SOBP: variants seen among roughly 807,000 people sequenced by gnomAD.
SOBP encodes sine oculis-binding protein homolog.
SOBP carries 4 observed loss-of-function variants against 53.6 expected under a neutral mutation model. That is an observed-to-expected ratio of 0.07 (90% CI 0.04 to 0.17). The LOEUF is 0.17. Ranked by LOEUF, SOBP falls within the 10% of genes least tolerant of loss-of-function variation. The probability of loss-of-function intolerance (pLI) is 1.00; values close to 1 mark genes in which losing one functional copy is unlikely to be tolerated. For synonymous variants in SOBP, 584 were observed against 522.6 expected, an observed-to-expected ratio of 1.12 and a Z score of -1.60; for missense variants, 1,088 against 1,204.7, an observed-to-expected ratio of 0.90 and a Z score of 1.43.
At chr6:107,572,304 CTTTTTTT>C (rs5878919) in intron 4 of SOBP, among the ~76,000 whole-genome samples, 1 of 140,566 alleles carries the variant, frequency 7.1e-6, no homozygotes. Flanking sequence ...AATTTGCACA[CTTTTTTT>C]TTTTTTTTTT....
At chr6:107,519,647 T>A (rs1427459815) in intron 3 of SOBP, among the ~76,000 whole-genome samples, 1 of 152,210 alleles carries the variant, frequency 6.6e-6, no homozygotes, top group Non-Finnish European at 1.5e-5. Context: ...TAAAGCATAC[T>A]ATAGCAACAG....
At position 107,613,192 on chromosome 6, in the gene SOBP, T is replaced by C. The variant is rs188427131; in HGVS notation, c.670-20322T>C. On this transcript the variant is annotated intron_variant, in intron 5 of 6. Transcript: ENST00000317357. ...AACTCAGAACGCTAGGTGGAGGCTG[T>C]GTGCCCTACTGCAGCTTTCTGCATC... Among the ~76,000 whole-genome samples, 6 of 152,326 alleles carry C rather than the reference T, an allele frequency of 3.9e-5. No homozygotes were observed. In the South Asian group the frequency reaches 6.2e-4, roughly 16 times the overall value.
At chr6:107,617,552 G>A (rs1358513053) in intron 5 of SOBP, among the ~76,000 whole-genome samples, 2 of 152,234 alleles carry the variant, frequency 1.3e-5, no homozygotes, top group African/African-American at 2.4e-5. Context: ...GCTGCAGGAA[G>A]TCCAGCTGAT....
intron 3 of SOBP, among the ~76,000 whole-genome samples, chr6:107,510,019 G>A (rs887303388): frequency 6.6e-6 from 1 of 152,184 alleles, no homozygotes; most frequent in African/African-American, 2.4e-5. Flanking sequence ...TACCAAGCAG[G>A]AACTTACAGG....
intron 6 of SOBP, among the ~76,000 whole-genome samples, chr6:107,642,970 C>T (rs1350801632): frequency 1.3e-5 from 2 of 152,234 alleles, no homozygotes; most frequent in Non-Finnish European, 2.9e-5. Context: ...ACATGTGTCT[C>T]AATTTGTAAT....
intron 5 of SOBP, among the ~76,000 whole-genome samples, chr6:107,600,258 A>G (rs1476422104): frequency 2.0e-5 from 3 of 152,138 alleles, no homozygotes; most frequent in African/African-American, 7.2e-5. Flanking sequence ...CTTTCCTCCT[A>G]CGGGAATGGG....
chr6:107,559,708 A>C (rs1016271916), intron 4 of SOBP, among the ~76,000 whole-genome samples: 1 of 152,228 alleles, frequency 6.6e-6, no homozygotes, highest in Non-Finnish European at 1.5e-5. Flanking sequence ...TCTCAGTCAC[A>C]GTGGTAATTG....
chr6:107,499,157 A>G (rs1347519215), intron 1 of SOBP, among the ~76,000 whole-genome samples: 1 of 152,168 alleles, frequency 6.6e-6, no homozygotes, highest in Non-Finnish European at 1.5e-5. Context: ...CTTCTTTGCA[A>G]TTGCGGATAC....
intron 3 of SOBP, among the ~76,000 whole-genome samples, chr6:107,520,480 C>G (rs77867262): frequency 0.053 from 8,074 of 152,282 alleles, 289 homozygotes; most frequent in Middle Eastern, 0.16. Context: ...ACAATCTGAT[C>G]ATGGATTCTA....
At chr6:107,606,336 CA>C (rs1786380004) in intron 5 of SOBP, among the ~76,000 whole-genome samples, 1 of 152,040 alleles carries the variant, frequency 6.6e-6, no homozygotes, top group African/African-American at 2.4e-5. Context: ...CTTGGCCTCC[CA>C]AAGTGCTAGG....
intron 1 of SOBP, among the ~76,000 whole-genome samples, chr6:107,492,371 C>T (rs567643558): frequency 6.6e-6 from 1 of 152,204 alleles, no homozygotes; most frequent in South Asian, 2.1e-4. Context: ...GGAGCTCTGG[C>T]CCTTTAAAAC....
intron 3 of SOBP, among the ~76,000 whole-genome samples, chr6:107,526,460 C>T (rs1238820362): frequency 2.0e-5 from 3 of 152,174 alleles, no homozygotes; most frequent in Non-Finnish European, 2.9e-5. Flanking sequence ...GTCTTCCACT[C>T]TCTGGCTCCT....
intron 5 of SOBP, among the ~76,000 whole-genome samples, chr6:107,612,761 A>G (rs1786646849): frequency 1.3e-5 from 2 of 152,064 alleles, no homozygotes; most frequent in Admixed American, 1.3e-4. Context: ...ACTCCCTCCA[A>G]TCCCCAGCCC....
chr6:107,522,659 C>T (rs970535898), intron 3 of SOBP, among the ~76,000 whole-genome samples: 2 of 150,860 alleles, frequency 1.3e-5, no homozygotes, highest in African/African-American at 2.4e-5. Flanking sequence ...CCTCCCACCT[C>T]TGCCTCCTCA....
chr6:107,525,868 T>A (rs139152198), intron 3 of SOBP, among the ~76,000 whole-genome samples: 1 of 152,166 alleles, frequency 6.6e-6, no homozygotes, highest in African/African-American at 2.4e-5. Context: ...GGAACTGGAT[T>A]TCTAGTCTCT....
chr6:107,531,029 G>C (rs898682085), intron 3 of SOBP, among the ~76,000 whole-genome samples: 1 of 152,234 alleles, frequency 6.6e-6, no homozygotes, highest in Non-Finnish European at 1.5e-5. Flanking sequence ...TTGGCCTCAA[G>C]CATCATTCCT....
chr6:107,497,558 A>G (rs943281682), intron 1 of SOBP, among the ~76,000 whole-genome samples: 1 of 152,176 alleles, frequency 6.6e-6, no homozygotes, highest in African/African-American at 2.4e-5. Context: ...ATTACTGTCA[A>G]CATTTTGATA....
chr6:107,499,566 G>A (rs1782784404), intron 1 of SOBP, among the ~76,000 whole-genome samples: 1 of 152,170 alleles, frequency 6.6e-6, no homozygotes, highest in Non-Finnish European at 1.5e-5. Flanking sequence ...GAAATCTCTG[G>A]CACATTTTGA....
At chr6:107,615,984 T>C (rs957509715) in intron 5 of SOBP, among the ~76,000 whole-genome samples, 2 of 147,924 alleles carry the variant, frequency 1.4e-5, no homozygotes, top group African/African-American at 5.0e-5. Context: ...ATCATACCAC[T>C]GCACTCCAGC....
Sources: allele counts gnomAD v4.1 joint callset (sites outside exome capture counted in the v4.1 genomes callset), GRCh38; gene constraint gnomAD v4.1.1; transcripts MANE v1.5; gene names NCBI Gene and HGNC (gene_info 2026-07-23, HGNC 2026-07-21).